S100A7A: variants seen among roughly 807,000 people sequenced by gnomAD.
S100A7A encodes the protein protein S100-A7A.
In S100A7A, 5 loss-of-function variants were observed where a neutral mutation model predicts 4.0. The observed-to-expected ratio is 1.26, with a 90% CI of 0.66 to 2.66. The LOEUF is 2.66. Among genes scored for constraint, S100A7A ranks in the 30% most tolerant of loss-of-function variants. S100A7A has a pLI of 0.01. For missense variants in S100A7A, 159 were observed against 125.1 expected (o/e 1.27, Z -1.29); for synonymous variants, 52 against 46.4 (o/e 1.12, Z -0.49).
chr1:153,416,790 A>G (rs1462926459), intron 1 of S100A7A, among the ~76,000 whole-genome samples: 8 of 152,214 alleles, frequency 5.3e-5, no homozygotes, highest in Admixed American at 3.3e-4. Context: ...ATCTCCTGAG[A>G]CAACTCCTGT....
In S100A7A at chr1:153,420,242, A is replaced by G. The variant is rs1662862835; in HGVS notation, c.*933A>G. 6.6e-6 allele frequency: 1 copy of G among 152,208 alleles called. No individual in the cohort carries two copies. The highest frequency in any genetic ancestry group is 1.5e-5 in the Non-Finnish European group (1 of 68,072). 9.4% of individuals were successfully genotyped at this position (152,208 alleles called of 1,614,324 possible). A position where few individuals can be genotyped will look rare whatever the true frequency, so the allele number is the denominator to read the frequency against. On this transcript the variant is annotated 3_prime_UTR_variant, in exon 3 of 3. Coordinates refer to ENST00000368729, the MANE Select transcript of S100A7A (RefSeq NM_176823.4). Reference sequence around the variant, plus strand: ...TCTACTCCAGGCCAGGCAGTGTGTTATGGGCTGAGGATGCAGAAACAGGCA... The same window carrying G: ...TCTACTCCAGGCCAGGCAGTGTGTTGTGGGCTGAGGATGCAGAAACAGGCA...
At chr1:153,418,544 T>C (rs1364844874) in intron 2 of S100A7A, among the ~76,000 whole-genome samples, 1 of 152,122 alleles carries the variant, frequency 6.6e-6, no homozygotes, top group African/African-American at 2.4e-5. Flanking sequence ...CAGGTCCTGC[T>C]TCCCAAAGGC....
rs930007023 is a variant in S100A7A at position 153,421,570 on chromosome 1, G to A, written c.*2261G>A. On this transcript the variant is annotated 3_prime_UTR_variant, in exon 3 of 3. Transcript: ENST00000368729. ...TAAAATCCAAAAACTTCCAGTCCTGGAGGCAGGTTGTGCAGCTTAGGGGAG... is the reference window on the plus strand; with the variant it reads ...TAAAATCCAAAAACTTCCAGTCCTGAAGGCAGGTTGTGCAGCTTAGGGGAG... The A allele has an allele frequency of 1.3e-5, 2 of 152,176 alleles. No individual in the cohort carries two copies. Among genetic ancestry groups the A allele is most frequent in the East Asian group, 1.9e-4 (1 of 5,198 alleles). 9.4% of individuals were successfully genotyped at this position (152,176 alleles called of 1,614,324 possible).
In S100A7A at chr1:153,423,051, T is replaced by C. The variant is rs1662938577; in HGVS notation, c.*3742T>C. Reference sequence around the variant, plus strand: ...TAACTAAGTGTGAGATAATATCTTATTGTTTTTGTAACTTGCATTTTACAA... The same window carrying C: ...TAACTAAGTGTGAGATAATATCTTACTGTTTTTGTAACTTGCATTTTACAA... On this transcript the variant is annotated 3_prime_UTR_variant, in exon 3 of 3. Coordinates refer to ENST00000368729, the MANE Select transcript of S100A7A (RefSeq NM_176823.4). 1 of 152,190 alleles carries C rather than the reference T, an allele frequency of 6.6e-6. No homozygotes were observed. The highest frequency in any genetic ancestry group is 1.5e-5 in the Non-Finnish European group (1 of 68,036). The allele number at this position is 152,190 out of a possible 1,614,324, so 9.4% of individuals were successfully genotyped here.
Position 153,418,109 on chromosome 1 carries a change from C to T in S100A7A, c.27C>T (p.Ser9=). 6.2e-7 allele frequency: 1 copy of T among 1,614,126 alleles called. No homozygotes were observed. Among genetic ancestry groups the T allele is most frequent in the Non-Finnish European group, 8.5e-7 (1 of 1,180,024 alleles). ...TGAGCAACACTCAAGCTGAGAGGTC[C>T]ATAATAGGCATGATCGACATGTTTC... MSNTQAER[S]IIGMIDMFHK... Residue 9 remains serine (S), a synonymous_variant, in exon 2 of 3, where the codon TCC becomes TCT. Coordinates refer to ENST00000368729, the MANE Select transcript of S100A7A (RefSeq NM_176823.4).
rs1241230294 is a variant in S100A7A at position 153,419,672 on chromosome 1, A to G, written c.*363A>G. 2 of 239,224 alleles carry G rather than the reference A, an allele frequency of 8.4e-6. No individual in the cohort carries two copies. Among genetic ancestry groups the G allele is most frequent in the East Asian group, 1.8e-4 (2 of 10,980 alleles). The allele number at this position is 239,224 out of a possible 1,614,324, so 14.8% of individuals were successfully genotyped here. On this transcript the variant is annotated 3_prime_UTR_variant, in exon 3 of 3. Transcript: ENST00000368729. Reference sequence around the variant, plus strand: ...CCTTGTCAAGGCATGGACCAGGGTCATTCAGACACATTCAGATACTGCACT... The same window carrying G: ...CCTTGTCAAGGCATGGACCAGGGTCGTTCAGACACATTCAGATACTGCACT...
At position 153,418,059 on chromosome 1, in the gene S100A7A, C is replaced by T. The variant is rs1423595997; in HGVS notation, c.-17-7C>T. On this transcript the variant is annotated splice_region_variant and splice_polypyrimidine_tract_variant and intron_variant, in intron 1 of 2. Coordinates refer to ENST00000368729, the MANE Select transcript of S100A7A (RefSeq NM_176823.4). ...AGGTAAGAAATGATTGTCTTTATTT[C>T]CTGAAGGCTTTTTGAAAGCAAAGAT... 5 of 1,613,244 alleles carry T rather than the reference C, an allele frequency of 3.1e-6. No homozygotes were observed. Among genetic ancestry groups the T allele is most frequent in the East Asian group, 2.2e-5 (1 of 44,870 alleles).
At chr1:153,418,466 G>A (rs1213095125) in intron 2 of S100A7A, among the ~76,000 whole-genome samples, 2 of 152,214 alleles carry the variant, frequency 1.3e-5, no homozygotes, top group Non-Finnish European at 2.9e-5. Context: ...TGTGCAGCTT[G>A]AGGACAGTGC....
chr1:153,421,400 G>T lies in S100A7A; in HGVS notation c.*2091G>T, dbSNP rs888611181. 6.6e-6 allele frequency: 1 copy of T among 152,226 alleles called. No individual in the cohort carries two copies. Among genetic ancestry groups the T allele is most frequent in the Non-Finnish European group, 1.5e-5 (1 of 68,052 alleles). The allele number at this position is 152,226 out of a possible 1,614,324, so 9.4% of individuals were successfully genotyped here. ...CCAGCCAGACTTGGAATCATGGAGGGAAAACATTGTTACCTCGGATCTCCT... is the reference window on the plus strand; with the variant it reads ...CCAGCCAGACTTGGAATCATGGAGGTAAAACATTGTTACCTCGGATCTCCT... On this transcript the variant is annotated 3_prime_UTR_variant, in exon 3 of 3. Transcript: ENST00000368729.
chr1:153,418,902 T>C (rs949270040), intron 2 of S100A7A, among the ~76,000 whole-genome samples: 8 of 151,930 alleles, frequency 5.3e-5, no homozygotes, highest in African/African-American at 9.7e-5. Context: ...CTTAACAGAG[T>C]GCCTCGGGAC....
rs3795392 is a variant in S100A7A, at chr1:153,422,061, T to C, written c.*2752T>C. 2.0e-5 allele frequency: 3 copies of C among 152,372 alleles called. No individual in the cohort carries two copies. The East Asian group carries it at 5.8e-4, about 29-fold the overall frequency. 9.4% of individuals were successfully genotyped at this position (152,372 alleles called of 1,614,324 possible). A position where few individuals can be genotyped will look rare whatever the true frequency, so the allele number is the denominator to read the frequency against. ...GAGGTGATCACAGGGCAGGGACACA[T>C]GTGTGGCATACAGTTCCTAGTTAAG... is the stretch of plus-strand genomic sequence containing the variant. On this transcript the variant is annotated 3_prime_UTR_variant, in exon 3 of 3. Transcript: ENST00000368729.
intron 1 of S100A7A, among the ~76,000 whole-genome samples, chr1:153,417,708 G>C (rs759679974): frequency 2.6e-5 from 4 of 152,210 alleles, no homozygotes; most frequent in Admixed American, 6.5e-5. Context: ...ATTTGGTGCT[G>C]TTTCAAGAGT....
chr1:153,421,592 G>A lies in S100A7A; in HGVS notation c.*2283G>A, dbSNP rs73020404. Reference sequence around the variant, plus strand: ...CTGGAGGCAGGTTGTGCAGCTTAGGGGAGGACCCCAGAATCTGGACCCCAG... The same window carrying A: ...CTGGAGGCAGGTTGTGCAGCTTAGGAGAGGACCCCAGAATCTGGACCCCAG... On this transcript the variant is annotated 3_prime_UTR_variant, in exon 3 of 3. Coordinates refer to ENST00000368729, the MANE Select transcript of S100A7A (RefSeq NM_176823.4). 0.072 allele frequency: 10,896 copies of A among 152,094 alleles called. 1,292 individuals are homozygous for A. The highest frequency in any genetic ancestry group is 0.25 in the African/African-American group (10,246 of 41,454). 9.4% of individuals were successfully genotyped at this position (152,094 alleles called of 1,614,324 possible).
At chr1:153,416,921 C>T (rs367766629) in intron 1 of S100A7A, among the ~76,000 whole-genome samples, 2 of 152,258 alleles carry the variant, frequency 1.3e-5, no homozygotes, top group African/African-American at 4.8e-5. Flanking sequence ...GCTCTGCCCC[C>T]ACAGAGGGAG....
chr1:153,418,745 G>A (rs558091594), intron 2 of S100A7A, among the ~76,000 whole-genome samples: 28 of 152,316 alleles, frequency 1.8e-4, no homozygotes, highest in African/African-American at 6.7e-4. Context: ...AAAAGGAGAA[G>A]AAAGGAGAGG....
rs2101629889 is a variant in S100A7A, at chr1:153,422,560, C to T, written c.*3251C>T. ...AGAGATTCTGGAAATCCAAATGTTCCCCAGAAATTCTGATATCAAAACATT... is the reference window on the plus strand; with the variant it reads ...AGAGATTCTGGAAATCCAAATGTTCTCCAGAAATTCTGATATCAAAACATT... On this transcript the variant is annotated 3_prime_UTR_variant, in exon 3 of 3. Coordinates refer to ENST00000368729, the MANE Select transcript of S100A7A (RefSeq NM_176823.4). 18 of 984,568 alleles carry T rather than the reference C, an allele frequency of 1.8e-5. No individual in the cohort carries two copies. The highest frequency in any genetic ancestry group is 2.2e-5 in the Non-Finnish European group (18 of 829,146). The allele number at this position is 984,568 out of a possible 1,614,324, so 61.0% of individuals were successfully genotyped here.
At position 153,419,207 on chromosome 1, in the gene S100A7A, G is replaced by A. The variant is rs1023422890; in HGVS notation, c.204G>A (p.Lys68=). ...VFEKKDKNED[K]KIDFSEFLSL... is the part of the protein sequence containing the mutation. Reference sequence around the variant, plus strand: ...AGAAAAAGGACAAGAATGAGGATAAGAAGATTGATTTTTCTGAGTTTCTGT... The same window carrying A: ...AGAAAAAGGACAAGAATGAGGATAAAAAGATTGATTTTTCTGAGTTTCTGT... Residue 68 remains lysine (K), a synonymous_variant, in exon 3 of 3, where the codon AAG becomes AAA. Transcript: ENST00000368729. 2 of 1,614,194 alleles carry A rather than the reference G, an allele frequency of 1.2e-6. No individual in the cohort carries two copies. The highest frequency in any genetic ancestry group is 1.1e-5 in the South Asian group (1 of 91,084).
intron 1 of S100A7A, among the ~76,000 whole-genome samples, chr1:153,416,958 T>G (rs1352023624): frequency 6.6e-6 from 1 of 152,164 alleles, no homozygotes. Flanking sequence ...CTGTGAATGC[T>G]TTGGAGGCTC....
Position 153,421,585 on chromosome 1 carries a change from G to T in S100A7A, c.*2276G>T, listed in dbSNP as rs1228518674. On this transcript the variant is annotated 3_prime_UTR_variant, in exon 3 of 3. Transcript: ENST00000368729. ...TCCAGTCCTGGAGGCAGGTTGTGCA[G>T]CTTAGGGGAGGACCCCAGAATCTGG... The T allele has an allele frequency of 1.3e-5, 2 of 152,262 alleles. No homozygotes were observed. The highest frequency in any genetic ancestry group is 2.9e-5 in the Non-Finnish European group (2 of 68,070). 9.4% of individuals were successfully genotyped at this position (152,262 alleles called of 1,614,324 possible).
Sources: gnomAD v4.1 joint callset for allele counts (sites outside exome capture counted in the v4.1 genomes callset) on GRCh38, gnomAD v4.1.1 for gene constraint, MANE v1.5 for transcripts, NCBI Gene and HGNC (gene_info 2026-07-23, HGNC 2026-07-21) for gene names.